The following UMAD1 variants were observed in gnomAD, a reference collection of about 807,000 sequenced individuals.
UMAD1 encodes UBAP1-MVB12-associated (UMA) domain containing 1, also known as UBAP1-MVB12-associated (UMA)-domain containing protein 1.
UMAD1 carries 8 observed loss-of-function variants against 6.1 expected under a neutral mutation model. That is an observed-to-expected ratio of 1.30 (90% CI 0.76 to 2.35). UMAD1 has a LOEUF of 2.35. UMAD1 is among the 30% of genes most tolerant of loss of function. The probability of loss-of-function intolerance (pLI) is 0.00; values close to 1 mark genes in which losing one functional copy is unlikely to be tolerated. For missense variants in UMAD1, 130 were observed against 78.4 expected, an observed-to-expected ratio of 1.66 and a Z score of -2.49; for synonymous variants, 56 against 31.4, an observed-to-expected ratio of 1.78 and a Z score of -2.61.
At chr7:7,755,377 C>G (rs1457713525) in intron 2 of UMAD1, among the ~76,000 whole-genome samples, 1 of 152,166 alleles carries the variant, frequency 6.6e-6, no homozygotes, top group Non-Finnish European at 1.5e-5. Context: ...TTTCTCTAAT[C>G]AAGAGCTCAT....
Position 7,877,576 on chromosome 7 carries a change from T to C in UMAD1, c.*38T>C. 1.4e-6 allele frequency: 1 copy of C among 705,650 alleles called. No homozygotes were observed. Among genetic ancestry groups the C allele is most frequent in the Non-Finnish European group, 2.6e-6 (1 of 379,698 alleles). 43.7% of individuals were successfully genotyped at this position (705,650 alleles called of 1,614,324 possible). A position where few individuals can be genotyped will look rare whatever the true frequency, so the allele number is the denominator to read the frequency against. On this transcript the variant is annotated 3_prime_UTR_variant, in exon 4 of 4. Transcript: ENST00000682710. ...TTTGCACCTTAACAGCTTTAAAATA[T>C]GTTCGCCTATTTTATCTAACCTGTT...
At chr7:7,647,018 A>G (rs771785283) in intron 1 of UMAD1, among the ~76,000 whole-genome samples, 10 of 152,188 alleles carry the variant, frequency 6.6e-5, no homozygotes, top group Admixed American at 1.3e-4. Flanking sequence ...TATCAGTTAC[A>G]CTAGTTTTGT....
At chr7:7,716,829 C>G (rs1439607046) in intron 2 of UMAD1, among the ~76,000 whole-genome samples, 1 of 152,066 alleles carries the variant, frequency 6.6e-6, no homozygotes, top group Admixed American at 6.5e-5. Context: ...GCCCATAATC[C>G]CAGCTACTCG....
chr7:7,866,079 G>A (rs76661695), intron 3 of UMAD1, among the ~76,000 whole-genome samples: 1 of 152,056 alleles, frequency 6.6e-6, no homozygotes, highest in East Asian at 1.9e-4. Context: ...TGGTGATAAC[G>A]GGCAAAATGG....
chr7:7,850,530 C>G (rs1309864196), intron 3 of UMAD1, among the ~76,000 whole-genome samples: 1 of 151,942 alleles, frequency 6.6e-6, no homozygotes, highest in South Asian at 2.1e-4. Context: ...ACAAAGAAAA[C>G]TGATATAAGT....
rs963445518 is a variant in UMAD1 at position 7,860,486 on chromosome 7, C to T, written c.157-16795C>T. Among the ~76,000 whole-genome samples the T allele has an allele frequency of 3.2e-4, 48 of 151,028 alleles. 1 individual carries two copies. Among genetic ancestry groups the T allele is most frequent in the African/African-American group, 9.0e-4 (37 of 41,116 alleles). ...ACTTAAAAATATTGTCCTGGCCGAG[C>T]GTGGTGGCTTATGCTTGTAATCTCA... is the stretch of plus-strand genomic sequence containing the variant. On this transcript the variant is annotated intron_variant, in intron 3 of 3. Transcript: ENST00000682710.
chr7:7,675,439 T>C (rs1779715123), intron 2 of UMAD1, among the ~76,000 whole-genome samples: 2 of 152,152 alleles, frequency 1.3e-5, no homozygotes, highest in African/African-American at 2.4e-5. Context: ...AGACATTCCA[T>C]TGCATGTCTT....
At position 7,855,578 on chromosome 7, in the gene UMAD1, CA is replaced by C. The variant is rs552381153; in HGVS notation, c.157-21702del. Among the ~76,000 whole-genome samples, 126 of 152,334 alleles carry C rather than the reference CA, an allele frequency of 8.3e-4. 1 individual carries two copies. Among genetic ancestry groups the C allele is most frequent in the African/African-American group, 2.9e-3 (120 of 41,578 alleles). ...CACCAAATCCCAAGGCTGCACACAG[CA>C]GGGGGGGCCCTAGACCCAGCCCAGG... is the stretch of plus-strand genomic sequence containing the variant. On this transcript the variant is annotated intron_variant, in intron 3 of 3. Coordinates refer to ENST00000682710, the MANE Select transcript of UMAD1 (RefSeq NM_001302348.2).
At chr7:7,713,476 C>T (rs1018030579) in intron 2 of UMAD1, among the ~76,000 whole-genome samples, 1 of 151,910 alleles carries the variant, frequency 6.6e-6, no homozygotes, top group Non-Finnish European at 1.5e-5. Context: ...TCCTCCCCCC[C>T]ATGGCAATAT....
In UMAD1 at chr7:7,772,990, A is replaced by G. The variant is rs145334225; in HGVS notation, c.83-28680A>G. Among the ~76,000 whole-genome samples, 176 of 152,234 alleles carry G rather than the reference A, an allele frequency of 1.2e-3. 1 individual carries two copies. The highest frequency in any genetic ancestry group is 4.1e-3 in the African/African-American group (169 of 41,540). Reference sequence around the variant, plus strand: ...AGAAATACTGCTATCATTCTGGTCCACAAGATTTTTGCTACTTCAGGATAT... The same window carrying G: ...AGAAATACTGCTATCATTCTGGTCCGCAAGATTTTTGCTACTTCAGGATAT... On this transcript the variant is annotated intron_variant, in intron 2 of 3. Transcript: ENST00000682710.
chr7:7,642,405 C>T (rs1784995096), intron 1 of UMAD1, among the ~76,000 whole-genome samples: 1 of 152,044 alleles, frequency 6.6e-6, no homozygotes, highest in African/African-American at 2.4e-5. Flanking sequence ...CCCTCCCTCC[C>T]CCGTCTCCCT....
rs536861586 is a variant in UMAD1 at position 7,658,926 on chromosome 7, A to G, written c.-63-14383A>G. ...TCTGGTAGAATTTGGCTGTGAATCC[A>G]TCTGTTCCTGGACTTTTTTTGGTTG... On this transcript the variant is annotated intron_variant, in intron 1 of 3. Transcript: ENST00000682710. Among the ~76,000 whole-genome samples the G allele has an allele frequency of 3.2e-3, 492 of 152,266 alleles. 1 individual carries two copies. The highest frequency in any genetic ancestry group is 0.011 in the African/African-American group (474 of 41,540).
intron 2 of UMAD1, among the ~76,000 whole-genome samples, chr7:7,689,954 G>A (rs1780135875): frequency 6.6e-6 from 1 of 152,112 alleles, no homozygotes. Flanking sequence ...CTTATATATA[G>A]GTGTTTTTAC....
At chr7:7,810,405 A>T (rs78038717) in intron 3 of UMAD1, among the ~76,000 whole-genome samples, 1,711 of 152,246 alleles carry the variant, frequency 0.011, 34 homozygotes, top group African/African-American at 0.039. Flanking sequence ...GTATGCTAAA[A>T]AAGATGGCAT....
intron 3 of UMAD1, among the ~76,000 whole-genome samples, chr7:7,860,619 A>AAAAAC (rs1784097653): frequency 1.3e-5 from 2 of 149,810 alleles, no homozygotes; most frequent in African/African-American, 4.9e-5. Context: ...AAAAAAAAAA[A>AAAAAC]AAAAAAATTA....
chr7:7,818,703 C>T (rs1014290370), intron 3 of UMAD1, among the ~76,000 whole-genome samples: 1 of 152,182 alleles, frequency 6.6e-6, no homozygotes, highest in Non-Finnish European at 1.5e-5. Context: ...TATAAAGACA[C>T]GTGCACACTT....
chr7:7,726,514 A>G (rs1023564539), intron 2 of UMAD1, among the ~76,000 whole-genome samples: 2 of 152,244 alleles, frequency 1.3e-5, no homozygotes, highest in Non-Finnish European at 2.9e-5. Context: ...AAGGCCGTGT[A>G]TGCTCTGAAT....
intron 3 of UMAD1, among the ~76,000 whole-genome samples, chr7:7,866,251 C>A (rs1018643550): frequency 3.3e-5 from 5 of 152,146 alleles, no homozygotes; most frequent in Admixed American, 6.6e-5. Flanking sequence ...TTATGAGCCC[C>A]ACATTGTGCT....
chr7:7,683,493 C>G (rs927676642), intron 2 of UMAD1, among the ~76,000 whole-genome samples: 1 of 151,918 alleles, frequency 6.6e-6, no homozygotes, highest in Non-Finnish European at 1.5e-5. Context: ...TTTAGTTGAG[C>G]CATAAACAAA....
Sources: gnomAD v4.1 joint callset for allele counts (sites outside exome capture counted in the v4.1 genomes callset) on GRCh38, gnomAD v4.1.1 for gene constraint, MANE v1.5 for transcripts, NCBI Gene and HGNC (gene_info 2026-07-23, HGNC 2026-07-21) for gene names.